Variants in MCRS1 observed in about 807,000 individuals in gnomAD.
The protein encoded by MCRS1 is 58 kDa microspherule protein.
MCRS1 carries 22 observed loss-of-function variants against 62.9 expected under a neutral mutation model. The observed-to-expected ratio is 0.35, with a 90% CI of 0.25 to 0.50. The LOEUF (loss-of-function observed/expected upper bound fraction) is 0.50, where lower values mean the gene tolerates loss of function less well. MCRS1 is among the 20% of genes least tolerant of loss of function. MCRS1 has a pLI of 0.98. For synonymous variants in MCRS1, 244 were observed against 233.5 expected (o/e 1.04, Z -0.41); for missense variants, 456 against 601.1 (o/e 0.76, Z 2.52).
chr12:49,565,972 A>G, intron 3 of MCRS1, 105 bp downstream of exon 3: 1 of 1,472,384 alleles, frequency 6.8e-7, no homozygotes, highest in Non-Finnish European at 9.2e-7. Context: ...CTAAGGCCCC[A>G]GAGGGGCTCA....
At chr12:49,565,794 G>C in intron 3 of MCRS1, 127 bp from the exon 4 acceptor site, 1 of 1,372,874 alleles carries the variant, frequency 7.3e-7, no homozygotes. Flanking sequence ...TTCACTTTAC[G>C]CCACAGCCTG....
chr12:49,560,421 A>G (rs1938704984), intron 8 of MCRS1, 51 bp from the exon 9 acceptor site: 2 of 1,566,818 alleles, frequency 1.3e-6, no homozygotes, highest in South Asian at 2.2e-5. Flanking sequence ...GCTGAACCCG[A>G]TGCTGAGCGG....
chr12:49,565,221 C>CG (rs1938993174), intron 4 of MCRS1: 46 of 985,284 alleles, frequency 4.7e-5, no homozygotes, highest in Non-Finnish European at 5.2e-5. Context: ...GCAATGCCAC[C>CG]TGGGGGTTAT....
intron 9 of MCRS1, 119 bp downstream of exon 9, chr12:49,560,176 G>T: frequency 7.9e-7 from 1 of 1,260,824 alleles, no homozygotes; most frequent in Non-Finnish European, 1.2e-6. Flanking sequence ...AGGGGGCTCA[G>T]CCAGGGGGGG....
intron 8 of MCRS1, among the ~76,000 whole-genome samples, chr12:49,562,365 C>CA (rs1340952392): frequency 6.6e-6 from 1 of 152,238 alleles, no homozygotes; most frequent in Non-Finnish European, 1.5e-5. Flanking sequence ...CTTACCCCAT[C>CA]ACTGGGAGAG....
chr12:49,563,201 C>A (rs1329457817), intron 7 of MCRS1, 62 bp from the exon 8 acceptor site: 18 of 1,538,502 alleles, frequency 1.2e-5, no homozygotes, highest in Non-Finnish European at 1.5e-5. Flanking sequence ...CTCTGCCTTA[C>A]CATCTCTACC....
intron 8 of MCRS1, among the ~76,000 whole-genome samples, chr12:49,560,859 C>T (rs554579186): frequency 6.6e-6 from 1 of 152,324 alleles, no homozygotes; most frequent in African/African-American, 2.4e-5. Context: ...ACCTGCCAGC[C>T]AAGTTCCACT....
At chr12:49,563,793 C>T (rs1226646083) in intron 6 of MCRS1, among the ~76,000 whole-genome samples, 1 of 152,194 alleles carries the variant, frequency 6.6e-6, no homozygotes, top group Non-Finnish European at 1.5e-5. Flanking sequence ...TGAGGCAGAG[C>T]CTTGGACCAG....
At chr12:49,565,050 C>T (rs1206560981) in intron 4 of MCRS1, 155 bp from the exon 5 acceptor site, 1 of 984,972 alleles carries the variant, frequency 1.0e-6, no homozygotes, top group Non-Finnish European at 1.2e-6. Flanking sequence ...GAAAGGAGCT[C>T]AGCTTTCTAA....
intron 1 of MCRS1, among the ~76,000 whole-genome samples, chr12:49,567,393 T>C (rs1392253127): frequency 1.3e-5 from 2 of 151,990 alleles, no homozygotes. Flanking sequence ...GTTTGGGAAC[T>C]GCGTGATTAT....
chr12:49,559,673 C>G lies in MCRS1; in HGVS notation c.1003+56G>C. The G allele has an allele frequency of 6.2e-7, 1 of 1,606,366 alleles. No individual in the cohort carries two copies. The highest frequency in any genetic ancestry group is 1.7e-5 in the Admixed American group (1 of 59,792). ...CCCCAGCCAGGCAGCAACAGGGGCA[C>G]AGGCTGGGGCGAAGGATGCTGAAGA... On this transcript the variant is annotated intron_variant, in intron 11 of 14. Coordinates refer to ENST00000343810, the MANE Select transcript of MCRS1 (RefSeq NM_006337.5). The surrounding 1 kb of genome is among the most constrained non-coding windows in gnomAD (Gnocchi z 5.2).
At chr12:49,567,130 A>C (rs1939104812) in intron 1 of MCRS1, among the ~76,000 whole-genome samples, 1 of 152,166 alleles carries the variant, frequency 6.6e-6, no homozygotes, top group African/African-American at 2.4e-5. Flanking sequence ...TCCTAGGTTA[A>C]GCGCCTTGAC....
chr12:49,565,554 T>A lies in MCRS1; in HGVS notation c.263A>T (p.Glu88Val), dbSNP rs1482435984. 6.2e-7 allele frequency: 1 copy of A among 1,605,272 alleles called. No individual in the cohort carries two copies. The highest frequency in any genetic ancestry group is 8.5e-7 in the Non-Finnish European group (1 of 1,175,666). Residue 88 changes from glutamate to valine, a missense_variant, in exon 4 of 15, where the codon GAA (glutamate) becomes GTA (valine). Physicochemically the swap from Glu to Val is moderately radical, Grantham distance 121. This residue lies in a region of MCRS1 where 393 missense variants were observed against 523.5 expected (regional missense o/e 0.75). Transcript: ENST00000343810. ...GVEPGRCSGS[E>V]PSSSEKKKVS... ...CTTCTTCTTCTCACTGGAGGAGGGT[T>A]CACTCCCCGAACAGCGCCCTGGTTC...
At position 49,566,726 on chromosome 12, in the gene MCRS1, G is replaced by A. The variant is rs770999209; in HGVS notation, c.6C>T (p.Asp2=). The A allele has an allele frequency of 4.3e-6, 7 of 1,613,830 alleles. No homozygotes were observed. The highest frequency in any genetic ancestry group is 2.2e-5 in the South Asian group (2 of 90,992). The change falls in exon 2 of 15, where the codon GAC becomes GAT. Residue 2 remains aspartate, a synonymous_variant. Transcript: ENST00000343810. M[D]KDSQGLLDSS... Reference sequence around the variant, plus strand: ...GCTGTCCCGGCCTCATACTACCTTTGTCCATCCTCTTACAGTCCCAAAGCC... The same window carrying A: ...GCTGTCCCGGCCTCATACTACCTTTATCCATCCTCTTACAGTCCCAAAGCC...
intron 4 of MCRS1, 31 bp downstream of exon 4, chr12:49,565,498 C>T: frequency 6.4e-7 from 1 of 1,553,248 alleles, no homozygotes; most frequent in Non-Finnish European, 8.7e-7. Context: ...CTGGCACTAC[C>T]TCCCATCCCC....
At chr12:49,564,345 A>C in intron 6 of MCRS1, 136 bp downstream of exon 6, 1 of 665,314 alleles carries the variant, frequency 1.5e-6, no homozygotes, top group Admixed American at 3.0e-5. Context: ...CTCAGGCCTC[A>C]GTATCACCCC....
At chr12:49,565,762 G>A in intron 3 of MCRS1, 95 bp from the exon 4 acceptor site, 1 of 1,554,944 alleles carries the variant, frequency 6.4e-7, no homozygotes, top group Non-Finnish European at 8.9e-7. Context: ...GCCCAGTAGG[G>A]TGCTATCTGC....
In MCRS1 at chr12:49,559,720, C is replaced by T. The variant is rs1938656328; in HGVS notation, c.1003+9G>A. ...AAGAGTGAGCCTTCTGGTGCCCAGG[C>T]CTCCTCACCTGTGATGCTGTCCACT... On this transcript the variant is annotated intron_variant, in intron 11 of 14. Transcript: ENST00000343810. The surrounding 1 kb of genome is among the most constrained non-coding windows in gnomAD (Gnocchi z 5.2). 1 of 1,613,944 alleles carries T rather than the reference C, an allele frequency of 6.2e-7. No individual in the cohort carries two copies. The highest frequency in any genetic ancestry group is 1.1e-5 in the South Asian group (1 of 91,066).
At chr12:49,563,387 T>A (rs1332993216) in intron 7 of MCRS1, 51 bp downstream of exon 7, 1 of 1,544,016 alleles carries the variant, frequency 6.5e-7, no homozygotes, top group East Asian at 2.3e-5. Context: ...TTCTAGGTGG[T>A]CCAGCTCTCG....
Sources: gnomAD v4.1 joint callset for allele counts (sites outside exome capture counted in the v4.1 genomes callset) on GRCh38, gnomAD v4.1.1 for gene constraint, gnomAD v4.1.1 regional missense constraint, Gnocchi (gnomAD v3.1) non-coding constraint, MANE v1.5 for transcripts, NCBI Gene and HGNC (gene_info 2026-07-23, HGNC 2026-07-21) for gene names.